The following EIF2B4 variants were observed in gnomAD, a reference collection of about 807,000 sequenced individuals.
EIF2B4 encodes the protein eukaryotic translation initiation factor 2B subunit delta.
In EIF2B4, 34 loss-of-function variants were observed where a neutral mutation model predicts 66.7. The ratio of observed to expected loss-of-function variants is 0.51; its 90% CI spans 0.39 to 0.68. The LOEUF is 0.68. Ranked by LOEUF, EIF2B4 falls within the 30% of genes least tolerant of loss-of-function variation. EIF2B4 has a pLI of 0.00. For missense variants in EIF2B4, 618 were observed against 657.9 expected (o/e 0.94, Z 0.66); for synonymous variants, 278 against 253.6 (o/e 1.10, Z -0.92).
intron 2 of EIF2B4, 80 bp from the exon 3 acceptor site, chr2:27,369,629 C>G (rs1682201191): frequency 6.2e-7 from 1 of 1,607,358 alleles, no homozygotes; most frequent in African/African-American, 1.3e-5. Context: ...TACAAGATTT[C>G]CACATGGTTA....
intron 1 of EIF2B4, 159 bp downstream of exon 1, chr2:27,370,125 C>T (rs993535912): frequency 1.7e-4 from 252 of 1,521,584 alleles, no homozygotes; most frequent in Non-Finnish European, 2.1e-4. Context: ...AGCAACCAGC[C>T]GGTGCGCGGC....
chr2:27,366,969 AAT>A, intron 10 of EIF2B4, 33 bp from the exon 11 acceptor site: 1 of 1,613,964 alleles, frequency 6.2e-7, no homozygotes, highest in South Asian at 1.1e-5. Flanking sequence ...TTCAGTTATA[AAT>A]GTCAGTAACT....
At chr2:27,368,862 A>G in intron 4 of EIF2B4, 129 bp from the exon 5 acceptor site, 1 of 1,418,658 alleles carries the variant, frequency 7.0e-7, no homozygotes, top group Non-Finnish European at 9.9e-7. Flanking sequence ...TAGAAAAGGA[A>G]ATAGGGATAG....
chr2:27,367,569 A>G lies in EIF2B4; in HGVS notation c.783-10T>C. On this transcript the variant is annotated splice_polypyrimidine_tract_variant and intron_variant, in intron 8 of 12. Coordinates refer to ENST00000347454, the MANE Select transcript of EIF2B4 (RefSeq NM_001034116.2). ...GCACTGAGTCAGGAAGCTATAATAC[A>G]ACAGCAATACCTTATATCTGCGCAA... 1 of 1,613,902 alleles carries G rather than the reference A, an allele frequency of 6.2e-7. No individual in the cohort carries two copies. Among genetic ancestry groups the G allele is most frequent in the East Asian group, 2.2e-5 (1 of 44,888 alleles).
chr2:27,364,552 C>T lies in EIF2B4; in HGVS notation c.1420G>A (p.Ala474Thr). 6.2e-7 allele frequency: 1 copy of T among 1,614,160 alleles called. No homozygotes were observed. Among genetic ancestry groups the T allele is most frequent in the Non-Finnish European group, 8.5e-7 (1 of 1,180,038 alleles). The change falls in exon 13 of 13, where the codon GCT (alanine) becomes ACT (threonine). Residue 474 changes from alanine to threonine, a missense_variant. Ala to Thr is a moderately conservative substitution (Grantham distance 58). Around this residue, in one of 4 missense-constraint regions of EIF2B4, gnomAD observed 63 missense variants for 47.5 expected, o/e 1.33. Coordinates refer to ENST00000347454, the MANE Select transcript of EIF2B4 (RefSeq NM_001034116.2). ...QCKRGEHVAL[A>T]NWQNHASLRL... is the part of the protein sequence containing the mutation. The stretch of plus-strand genomic sequence containing the variant: ...AGGGATGCGTGGTTCTGCCAGTTAG[C>T]CAGCGCAACATGTTCTCCCCGCTTA...
At position 27,364,436 on chromosome 2, in the gene EIF2B4, T is replaced by G; in HGVS notation, c.1536A>C (p.Val512=). ...TGCTCTTGACTCGTAGAACAACAGG[T>G]ACAGAACTGCAAGGGATCATCCCCA... ...TELGMIPCSS[V]PVVLRVKSSD... is the part of the protein sequence containing the mutation. Residue 512 remains valine, a synonymous_variant, in exon 13 of 13, where the codon GTA becomes GTC. Transcript: ENST00000347454. 2 of 1,614,062 alleles carry G rather than the reference T, an allele frequency of 1.2e-6. No homozygotes were observed. The highest frequency in any genetic ancestry group is 1.1e-5 in the South Asian group (1 of 91,082).
At chr2:27,368,965 T>C (rs1682098376) in intron 4 of EIF2B4, 41 bp downstream of exon 4, 9 of 1,611,430 alleles carry the variant, frequency 5.6e-6, no homozygotes, top group African/African-American at 1.3e-5. Context: ...GCTGGCGTTA[T>C]AATTAGGAGT....
rs56053133 is a variant in EIF2B4, at chr2:27,366,215, G to GGTGT, written c.1191+540_1191+543dup. ...CATGCCCGGGGTGGGGGTGGGGTGGGGTGTGTGTGTGTGTGTGTGTGTGTG... is the reference window on the plus strand; with the variant it reads ...CATGCCCGGGGTGGGGGTGGGGTGGGGTGTGTGTGTGTGTGTGTGTGTGTGTGTG... On this transcript the variant is annotated intron_variant, in intron 11 of 12. Coordinates refer to ENST00000347454, the MANE Select transcript of EIF2B4 (RefSeq NM_001034116.2). The GGTGT allele has an allele frequency of 1.9e-3, 195 of 102,712 alleles. 10 individuals carry two copies. Among genetic ancestry groups the GGTGT allele is most frequent in the East Asian group, 2.7e-3 (9 of 3,322 alleles). The allele number at this position is 102,712 out of a possible 1,614,324, so 6.4% of individuals were successfully genotyped here. A position where few individuals can be genotyped will look rare whatever the true frequency, so the allele number is the denominator to read the frequency against.
In EIF2B4 at chr2:27,369,868, T is replaced by C; in HGVS notation, c.75+8A>G. 1 of 1,574,340 alleles carries C rather than the reference T, an allele frequency of 6.4e-7. No homozygotes were observed. The highest frequency in any genetic ancestry group is 8.6e-7 in the Non-Finnish European group (1 of 1,160,104). On this transcript the variant is annotated splice_region_variant and intron_variant, in intron 2 of 12. Coordinates refer to ENST00000347454, the MANE Select transcript of EIF2B4 (RefSeq NM_001034116.2). ...TGGCAGGCGGCTTGGGAGGGAAGCCTCACTTACCCCAGGCCCAGGGGGAAG... is the reference window on the plus strand; with the variant it reads ...TGGCAGGCGGCTTGGGAGGGAAGCCCCACTTACCCCAGGCCCAGGGGGAAG...
At chr2:27,366,373 T>C in intron 11 of EIF2B4, 1 of 311,408 alleles carries the variant, frequency 3.2e-6, no homozygotes, top group Non-Finnish European at 6.3e-6. Context: ...GCCAGGGCTA[T>C]ATAATTCTAA....
At chr2:27,366,215 G>GGT (rs56053133) in intron 11 of EIF2B4, 1,171 of 102,696 alleles carry the variant, frequency 0.011, 22 homozygotes, top group East Asian at 0.016. Flanking sequence ...GGTGGGGTGG[G>GGT]GTGTGTGTGT....
intron 2 of EIF2B4, 136 bp from the exon 3 acceptor site, chr2:27,369,685 T>C (rs1682208288): frequency 2.6e-6 from 4 of 1,524,850 alleles, no homozygotes; most frequent in Non-Finnish European, 2.7e-6. Context: ...GTTGCAAGCT[T>C]ACATCCACAG....
chr2:27,367,440 T>C lies in EIF2B4; in HGVS notation c.885+17A>G. 6.2e-7 allele frequency: 1 copy of C among 1,613,992 alleles called. No homozygotes were observed. The highest frequency in any genetic ancestry group is 1.1e-5 in the South Asian group (1 of 91,070). On this transcript the variant is annotated intron_variant, in intron 9 of 12. Transcript: ENST00000347454. ...TACCCACAGGTGCATGCCTTCCTTA[T>C]TTCTCATACTCATCACCTCCTCTTC...
intron 2 of EIF2B4, 48 bp from the exon 3 acceptor site, chr2:27,369,597 G>A: frequency 6.2e-7 from 1 of 1,613,356 alleles, no homozygotes; most frequent in Non-Finnish European, 8.5e-7. Context: ...ATTCCAAAGG[G>A]GAACAAATAC....
chr2:27,369,671 A>G, intron 2 of EIF2B4, 122 bp from the exon 3 acceptor site: 1 of 1,551,694 alleles, frequency 6.4e-7, no homozygotes, highest in Non-Finnish European at 8.9e-7. Flanking sequence ...TCCACAAGCT[A>G]CCTGTTGCAA....
rs555131652 is a variant in EIF2B4 at position 27,365,313 on chromosome 2, G to A, written c.1192-415C>T. Reference sequence around the variant, plus strand: ...ACTCCCAACCTCAGGTGATCTGCCCGCCTCAGCCACCCAAAGTGCCAGGAT... The same window carrying A: ...ACTCCCAACCTCAGGTGATCTGCCCACCTCAGCCACCCAAAGTGCCAGGAT... On this transcript the variant is annotated intron_variant, in intron 11 of 12. Transcript: ENST00000347454. Among the ~76,000 whole-genome samples, 141 of 150,650 alleles carry A rather than the reference G, an allele frequency of 9.4e-4. 2 individuals are homozygous for A. The highest frequency in any genetic ancestry group is 1.7e-3 in the Admixed American group (26 of 15,072).
rs1315148616 is a variant in EIF2B4, at chr2:27,369,569, T to G, written c.76-20A>C. The G allele has an allele frequency of 6.2e-7, 1 of 1,614,132 alleles. No individual in the cohort carries two copies. On this transcript the variant is annotated intron_variant, in intron 2 of 12. Transcript: ENST00000347454. ...CACTGCCTGAGACACAGACATAGGA[T>G]ACTGCTCTTCCCCAACAATTCCAAA...
Position 27,364,907 on chromosome 2 carries a change from C to T in EIF2B4, c.1192-9G>A, listed in dbSNP as rs1380546493. The T allele has an allele frequency of 6.8e-6, 11 of 1,613,668 alleles. No individual in the cohort carries two copies. The highest frequency in any genetic ancestry group is 9.3e-6 in the Non-Finnish European group (11 of 1,179,866). On this transcript the variant is annotated splice_polypyrimidine_tract_variant and intron_variant, in intron 11 of 12. Transcript: ENST00000347454. Reference sequence around the variant, plus strand: ...AATAGCACCTTGGAAACCTGTTTCACAGGAGAAGAGGAAGAAAAAAATGTC... The same window carrying T: ...AATAGCACCTTGGAAACCTGTTTCATAGGAGAAGAGGAAGAAAAAAATGTC...
chr2:27,368,468 A>G lies in EIF2B4; in HGVS notation c.499-5T>C, dbSNP rs1232798633. On this transcript the variant is annotated splice_region_variant and splice_polypyrimidine_tract_variant and intron_variant, in intron 5 of 12. Transcript: ENST00000347454. Reference sequence around the variant, plus strand: ...ATAATCCTTTCGTGTAGGAACCTTGACAAAACAAGGGAACAGGACCAATGG... The same window carrying G: ...ATAATCCTTTCGTGTAGGAACCTTGGCAAAACAAGGGAACAGGACCAATGG... 6.2e-7 allele frequency: 1 copy of G among 1,612,404 alleles called. No homozygotes were observed. Among genetic ancestry groups the G allele is most frequent in the African/African-American group, 1.3e-5 (1 of 74,878 alleles).
Sources: allele counts gnomAD v4.1 joint callset (sites outside exome capture counted in the v4.1 genomes callset), GRCh38; gene constraint gnomAD v4.1.1; regional missense constraint gnomAD v4.1.1; transcripts MANE v1.5; gene names NCBI Gene and HGNC (gene_info 2026-07-23, HGNC 2026-07-21).